Variants in SPEF2 observed in about 807,000 individuals in gnomAD.
SPEF2 encodes sperm flagellar and cilia associated 2, also known as sperm flagella and cilia-associated protein 2.
SPEF2 carries 187 observed loss-of-function variants against 224.6 expected under a neutral mutation model. The ratio of observed to expected loss-of-function variants is 0.83; its 90% CI spans 0.74 to 0.94. The LOEUF is 0.94. SPEF2 is among the 40% of genes least tolerant of loss of function. The pLI is 0.00. For missense variants in SPEF2, 2,170 were observed against 2,135.6 expected (o/e 1.02, Z -0.32); for synonymous variants, 715 against 707.3 (o/e 1.01, Z -0.17).
intron 1 of SPEF2, 55 bp downstream of exon 1, chr5:35,618,110 T>G: frequency 6.5e-7 from 1 of 1,536,546 alleles, no homozygotes. Context: ...GCGCAGAGCC[T>G]GCAGCGCAGC....
intron 23 of SPEF2, 71 bp from the exon 24 acceptor site, chr5:35,753,553 A>G (rs1036978350): frequency 1.3e-6 from 2 of 1,595,154 alleles, no homozygotes; most frequent in Admixed American, 1.7e-5. Flanking sequence ...AAAGGATTTT[A>G]GTTTTATTGC....
chr5:35,801,658 C>T (rs1757439092), intron 34 of SPEF2, among the ~76,000 whole-genome samples: 1 of 152,138 alleles, frequency 6.6e-6, no homozygotes, highest in Admixed American at 6.5e-5. Context: ...TGATCTAAGC[C>T]CAGATCACAG....
At chr5:35,766,192 T>G (rs1752064484) in intron 26 of SPEF2, among the ~76,000 whole-genome samples, 1 of 152,018 alleles carries the variant, frequency 6.6e-6, no homozygotes, top group African/African-American at 2.4e-5. Context: ...TTGGAAAATT[T>G]TGTGGAAGTT....
intron 21 of SPEF2, among the ~76,000 whole-genome samples, chr5:35,736,934 CT>C (rs1746712620): frequency 2.0e-5 from 3 of 151,622 alleles, no homozygotes. Flanking sequence ...AAAAAAAACA[CT>C]GTTGCCATGA....
At chr5:35,627,320 G>A (rs974598041) in intron 1 of SPEF2, among the ~76,000 whole-genome samples, 2 of 151,106 alleles carry the variant, frequency 1.3e-5, no homozygotes, top group African/African-American at 4.9e-5. Flanking sequence ...TTTTTTTCTC[G>A]GCTGGGCACG....
In SPEF2 at chr5:35,800,044, C is replaced by T. The variant is rs762272772; in HGVS notation, c.4907C>T (p.Ala1636Val). ...LDYTQMLLYFACHPDTVEGVY... is the reference protein window; with the variant it reads ...LDYTQMLLYFVCHPDTVEGVY... ...TACACACAGATGCTGCTTTACTTTGCTTGCCACCCAGACACCGTGGAAGGA... is the reference window on the plus strand; with the variant it reads ...TACACACAGATGCTGCTTTACTTTGTTTGCCACCCAGACACCGTGGAAGGA... The change falls in exon 34 of 37, where the codon GCT becomes GTT. Residue 1636 changes from alanine to valine, a missense_variant. By Grantham distance (64) the Ala-to-Val change is moderately conservative. Coordinates refer to ENST00000356031, the MANE Select transcript of SPEF2 (RefSeq NM_024867.4). 6.2e-7 allele frequency: 1 copy of T among 1,614,138 alleles called. No homozygotes were observed. The highest frequency in any genetic ancestry group is 8.5e-7 in the Non-Finnish European group (1 of 1,180,022).
intron 24 of SPEF2, among the ~76,000 whole-genome samples, chr5:35,755,677 T>G (rs1750331925): frequency 6.6e-6 from 1 of 152,186 alleles, no homozygotes; most frequent in Admixed American, 6.5e-5. Flanking sequence ...TGGTGCGATC[T>G]CACCTCACTG....
At position 35,704,639 on chromosome 5, in the gene SPEF2, TTTA is replaced by T; in HGVS notation, c.2485_2487del (p.Leu829del). 6.2e-7 allele frequency: 1 copy of T among 1,610,454 alleles called. No individual in the cohort carries two copies. The highest frequency in any genetic ancestry group is 8.5e-7 in the Non-Finnish European group (1 of 1,177,100). Reference sequence around the variant, plus strand: ...ACCAAGATAAGGATGGAGACCAAAATTTAAGAGACCAGATACAACATAGGTTAG... The same window carrying T: ...ACCAAGATAAGGATGGAGACCAAAATAGAGACCAGATACAACATAGGTTAG... On this transcript the variant is annotated inframe_deletion, in exon 17 of 37. Coordinates refer to ENST00000356031, the MANE Select transcript of SPEF2 (RefSeq NM_024867.4).
intron 10 of SPEF2, among the ~76,000 whole-genome samples, chr5:35,687,510 T>A (rs185762811): frequency 6.6e-6 from 1 of 151,942 alleles, no homozygotes; most frequent in African/African-American, 2.4e-5. Flanking sequence ...CAGGCTGGAG[T>A]GCAGTGGCAC....
At chr5:35,764,177 TA>T (rs1325985217) in intron 26 of SPEF2, among the ~76,000 whole-genome samples, 1 of 152,184 alleles carries the variant, frequency 6.6e-6, no homozygotes, top group African/African-American at 2.4e-5. Context: ...TAAAAATTTT[TA>T]AAAAATATTC....
chr5:35,746,653 C>T (rs1748578857), intron 23 of SPEF2, among the ~76,000 whole-genome samples: 1 of 151,984 alleles, frequency 6.6e-6, no homozygotes, highest in Admixed American at 6.5e-5. Context: ...TGAGCAAAGC[C>T]TCCAAGAAGT....
At chr5:35,771,975 CAG>C (rs1002601704) in intron 27 of SPEF2, among the ~76,000 whole-genome samples, 4 of 152,186 alleles carry the variant, frequency 2.6e-5, no homozygotes, top group Non-Finnish European at 5.9e-5. Context: ...CAGATGTACT[CAG>C]GGTAAAATAA....
At chr5:35,703,041 A>C (rs1321901953) in intron 16 of SPEF2, among the ~76,000 whole-genome samples, 3 of 151,928 alleles carry the variant, frequency 2.0e-5, no homozygotes, top group Non-Finnish European at 4.4e-5. Flanking sequence ...ATAACTCCCA[A>C]GAAGTTTATC....
chr5:35,734,797 C>T (rs1353395493), intron 21 of SPEF2, among the ~76,000 whole-genome samples: 1 of 148,472 alleles, frequency 6.7e-6, no homozygotes, highest in South Asian at 2.2e-4. Flanking sequence ...CTGCAACCTC[C>T]GCCTCCCGGG....
intron 10 of SPEF2, among the ~76,000 whole-genome samples, chr5:35,690,242 A>G (rs962702498): frequency 6.6e-6 from 1 of 152,138 alleles, no homozygotes; most frequent in African/African-American, 2.4e-5. Flanking sequence ...TCTACTAGCT[A>G]TTTTGAAATA....
intron 32 of SPEF2, among the ~76,000 whole-genome samples, chr5:35,794,026 G>A (rs1239822263): frequency 6.6e-6 from 1 of 152,226 alleles, no homozygotes; most frequent in African/African-American, 2.4e-5. Flanking sequence ...CAGGTGGCAT[G>A]TAACCGGTAA....
At chr5:35,649,329 G>A in intron 5 of SPEF2, 32 bp from the exon 6 acceptor site, 2 of 1,567,264 alleles carry the variant, frequency 1.3e-6, no homozygotes, top group Middle Eastern at 3.4e-4. Flanking sequence ...GGTTTTTAGA[G>A]GCAGAGAACT....
chr5:35,715,090 AT>A (rs1411510660), intron 20 of SPEF2, among the ~76,000 whole-genome samples: 6 of 151,442 alleles, frequency 4.0e-5, no homozygotes, highest in African/African-American at 1.5e-4. Flanking sequence ...TAATTTTTGT[AT>A]TTTTTTGTAG....
At chr5:35,709,951 C>G (rs1309645544) in intron 19 of SPEF2, 2 of 984,744 alleles carry the variant, frequency 2.0e-6, no homozygotes, top group African/African-American at 1.7e-5. Context: ...TTTCTAAACT[C>G]TATAGTCTTT....
Sources: gnomAD v4.1 joint callset for allele counts (sites outside exome capture counted in the v4.1 genomes callset) on GRCh38, gnomAD v4.1.1 for gene constraint, MANE v1.5 for transcripts, NCBI Gene and HGNC (gene_info 2026-07-23, HGNC 2026-07-21) for gene names.